The following VPS35 variants were observed in gnomAD, a reference collection of about 807,000 sequenced individuals.
VPS35 encodes VPS35 retromer complex component, also known as vacuolar protein sorting-associated protein 35.
VPS35 carries 21 observed loss-of-function variants against 98.1 expected under a neutral mutation model. That is an observed-to-expected ratio of 0.21 (90% CI 0.15 to 0.31). VPS35 has a LOEUF of 0.31. Ranked by LOEUF, VPS35 falls within the 10% of genes least tolerant of loss-of-function variation. The pLI is 1.00. For missense variants in VPS35, 554 were observed against 950.8 expected (o/e 0.58, Z 5.49); for synonymous variants, 268 against 318.2 (o/e 0.84, Z 1.68).
intron 13 of VPS35, among the ~76,000 whole-genome samples, chr16:46,666,201 GC>G (rs1220079658): frequency 6.7e-6 from 1 of 150,046 alleles, no homozygotes; most frequent in African/African-American, 2.5e-5. Flanking sequence ...ACCACACCCA[GC>G]CCTGCCCTAG....
rs1230902550 is a variant in VPS35 at position 46,677,571 on chromosome 16, G to A, written c.721-173C>T. 1.2e-4 allele frequency: 74 copies of A among 592,842 alleles called. 1 individual carries two copies. Among genetic ancestry groups the A allele is most frequent in the South Asian group, 8.1e-4 (41 of 50,844 alleles). The allele number at this position is 592,842 out of a possible 1,614,324, so 36.7% of individuals were successfully genotyped here. On this transcript the variant is annotated intron_variant, in intron 6 of 16. Transcript: ENST00000299138. ...TTCTTTTTGAGACAAGGTCTTGTTC[G>A]GTTGCCCAGGCTGGAGTGAAGTGGC...
chr16:46,659,470 T>C lies in VPS35; in HGVS notation c.*1002A>G, dbSNP rs1425350298. On this transcript the variant is annotated 3_prime_UTR_variant, in exon 17 of 17. Coordinates refer to ENST00000299138, the MANE Select transcript of VPS35 (RefSeq NM_018206.6). ...TTGGGGGGTTTATGTGAATTCATCA[T>C]GCCTTGGGAAAAGCAGGGTAAAGTT... The C allele has an allele frequency of 1.3e-5, 2 of 152,206 alleles. No homozygotes were observed. Among genetic ancestry groups the C allele is most frequent in the Non-Finnish European group, 2.9e-5 (2 of 68,044 alleles). 9.4% of individuals were successfully genotyped at this position (152,206 alleles called of 1,614,324 possible).
At chr16:46,663,854 C>A (rs1204681306) in intron 13 of VPS35, among the ~76,000 whole-genome samples, 1 of 65,472 alleles carries the variant, frequency 1.5e-5, no homozygotes, top group Admixed American at 2.1e-4. Context: ...CATCACCACA[C>A]CTGGCTAATT....
Position 46,672,456 on chromosome 16 carries a change from C to A in VPS35, c.1177G>T (p.Ala393Ser), listed in dbSNP as rs1966083807. The change falls in exon 11 of 17, where the codon GCA becomes TCA. Residue 393 changes from alanine to serine, a missense_variant. Ala to Ser is a moderately conservative substitution (Grantham distance 99, BLOSUM62 1). Transcript: ENST00000299138. ...LNLEHIATSSAVSKELTRLLK... is the reference protein window; with the variant it reads ...LNLEHIATSSSVSKELTRLLK... The stretch of plus-strand genomic sequence containing the variant: ...AGTCTGGTGAGTTCCTTTGAAACTG[C>A]ACTACTGGTAGCAATACTACAAAAA... The A allele has an allele frequency of 6.2e-7, 1 of 1,612,524 alleles. No individual in the cohort carries two copies. Among genetic ancestry groups the A allele is most frequent in the African/African-American group, 1.3e-5 (1 of 74,976 alleles).
At chr16:46,688,279 T>C (rs886903403) in intron 1 of VPS35, 2 of 985,912 alleles carry the variant, frequency 2.0e-6, no homozygotes, top group Admixed American at 1.2e-4. Flanking sequence ...GTGCAGGCTA[T>C]GTTAAACGCT....
At chr16:46,677,693 G>A (rs143090652) in intron 6 of VPS35, 7 of 372,094 alleles carry the variant, frequency 1.9e-5, no homozygotes, top group Admixed American at 4.0e-5. Flanking sequence ...GTTCCACCAT[G>A]CCCAGCTAAT....
At chr16:46,686,040 C>T (rs540329436) in intron 1 of VPS35, among the ~76,000 whole-genome samples, 1 of 152,202 alleles carries the variant, frequency 6.6e-6, no homozygotes, top group East Asian at 1.9e-4. Flanking sequence ...GAAACTGTAG[C>T]CATTAAACTC....
At chr16:46,684,768 A>G (rs1966286876) in intron 1 of VPS35, among the ~76,000 whole-genome samples, 1 of 152,240 alleles carries the variant, frequency 6.6e-6, no homozygotes, top group South Asian at 2.1e-4. Context: ...CTGGTTTTAG[A>G]ATGTTTAGAT....
intron 1 of VPS35, chr16:46,688,564 G>A (rs1966361072): frequency 4.0e-6 from 4 of 992,538 alleles, no homozygotes; most frequent in Non-Finnish European, 4.8e-6. Flanking sequence ...GTCCTTCCAG[G>A]AAATTCATGT....
intron 12 of VPS35, among the ~76,000 whole-genome samples, chr16:46,669,921 C>G (rs988905792): frequency 1.3e-5 from 2 of 152,182 alleles, no homozygotes; most frequent in Non-Finnish European, 2.9e-5. Context: ...TACACAACAA[C>G]TATATGCATA....
chr16:46,680,805 C>T lies in VPS35; in HGVS notation c.372G>A (p.Gln124=), dbSNP rs1171718277. 3 of 1,613,966 alleles carry T rather than the reference C, an allele frequency of 1.9e-6. No homozygotes were observed. Among genetic ancestry groups the T allele is most frequent in the South Asian group, 1.1e-5 (1 of 91,066 alleles). The change falls in exon 5 of 17, where the codon CAG becomes CAA. Residue 124 remains glutamine (Q), a synonymous_variant. Coordinates refer to ENST00000299138, the MANE Select transcript of VPS35 (RefSeq NM_018206.6). The part of the protein sequence containing the change: ...VGVVYVKSFP[Q]SRKDILKDLV... The stretch of plus-strand genomic sequence containing the variant: ...AATCTTTCAAAATATCCTTCCTGGA[C>T]TGAGGAAATGACTTGACATATACAA...
In VPS35 at chr16:46,689,167, C is replaced by T. The variant is rs3743928; in HGVS notation, c.-34G>A. The stretch of plus-strand genomic sequence containing the variant: ...CCCAGAGCCTGCAGCAAGCAGCACC[C>T]GCCCCGCGCGTAGCCTCCCGCGGTC... On this transcript the variant is annotated 5_prime_UTR_variant, in exon 1 of 17. Coordinates refer to ENST00000299138, the MANE Select transcript of VPS35 (RefSeq NM_018206.6). 1.3e-3 allele frequency: 2,006 copies of T among 1,603,544 alleles called. 19 individuals are homozygous for T. In the East Asian group the frequency reaches 0.024, roughly 19 times the overall value.
At chr16:46,688,523 T>G (rs982257222) in intron 1 of VPS35, 40 of 989,096 alleles carry the variant, frequency 4.0e-5, no homozygotes, top group Non-Finnish European at 4.7e-5. Flanking sequence ...TCAGTCTCCT[T>G]TGCGACCGTC....
chr16:46,684,981 A>G (rs963168456), intron 1 of VPS35, among the ~76,000 whole-genome samples: 7 of 152,212 alleles, frequency 4.6e-5, no homozygotes, highest in African/African-American at 1.7e-4. Context: ...TATTCTGTAT[A>G]GGAACAGAAA....
chr16:46,662,044 G>A (rs1965921822), intron 15 of VPS35, among the ~76,000 whole-genome samples, 183 bp from the exon 16 acceptor site: 1 of 152,236 alleles, frequency 6.6e-6, no homozygotes, highest in South Asian at 2.1e-4. Flanking sequence ...ACAGGTAGTG[G>A]TTTGAACTTG....
chr16:46,669,341 C>T (rs1966035122), intron 12 of VPS35: 2 of 398,262 alleles, frequency 5.0e-6, no homozygotes, highest in African/African-American at 4.1e-5. Flanking sequence ...TTTTCATACA[C>T]ACATGTGCAA....
intron 10 of VPS35, 93 bp downstream of exon 10, chr16:46,674,221 A>C: frequency 2.9e-6 from 4 of 1,395,786 alleles, no homozygotes; most frequent in Non-Finnish European, 3.0e-6. Flanking sequence ...AAAACAAGAC[A>C]AATGCCAGCA....
chr16:46,678,484 G>A (rs1966185238), intron 6 of VPS35, among the ~76,000 whole-genome samples: 1 of 152,158 alleles, frequency 6.6e-6, no homozygotes, highest in African/African-American at 2.4e-5. Context: ...GGTAAAGTTT[G>A]CCATTCCCTG....
chr16:46,660,589 T>C lies in VPS35; in HGVS notation c.2274A>G (p.Glu758=). 1 of 1,614,092 alleles carries C rather than the reference T, an allele frequency of 6.2e-7. No homozygotes were observed. Among genetic ancestry groups the C allele is most frequent in the Non-Finnish European group, 8.5e-7 (1 of 1,180,006 alleles). The change falls in exon 17 of 17, where the codon GAA becomes GAG. Residue 758 remains glutamate, a synonymous_variant. Transcript: ENST00000299138. Reference sequence around the variant, plus strand: ...TAATCTGCTCTGTTTCTTCACTGGATTCAAGATTCGGGAGGTCTTCTCGAA... The same window carrying C: ...TAATCTGCTCTGTTTCTTCACTGGACTCAAGATTCGGGAGGTCTTCTCGAA... ...QKIREDLPNL[E]SSEETEQINK...
Sources: allele counts gnomAD v4.1 joint callset (sites outside exome capture counted in the v4.1 genomes callset), GRCh38; gene constraint gnomAD v4.1.1; transcripts MANE v1.5; gene names NCBI Gene and HGNC (gene_info 2026-07-23, HGNC 2026-07-21).